The following PPP2R5E variants were observed in gnomAD, a reference collection of about 807,000 sequenced individuals.
The protein encoded by PPP2R5E is protein phosphatase 2 regulatory subunit B'epsilon, also known as serine/threonine-protein phosphatase 2A 56 kDa regulatory subunit epsilon isoform.
In PPP2R5E, 4 loss-of-function variants were observed where a neutral mutation model predicts 65.3. That is an observed-to-expected ratio of 0.06 (90% confidence interval 0.03 to 0.14). PPP2R5E has a LOEUF of 0.14. PPP2R5E is among the 10% of genes least tolerant of loss of function. The pLI, the probability that PPP2R5E is intolerant of heterozygous loss-of-function variation, is 1.00. For synonymous variants in PPP2R5E, 183 were observed against 187.4 expected (o/e 0.98, Z 0.19); for missense variants, 274 against 556.1 (o/e 0.49, Z 5.10).
chr14:63,522,553 G>C (rs8013830), intron 2 of PPP2R5E, among the ~76,000 whole-genome samples: 2 of 150,744 alleles, frequency 1.3e-5, no homozygotes, highest in Admixed American at 6.6e-5. Flanking sequence ...GTCTCTGCCC[G>C]GCCGCCCATC....
chr14:63,461,340 A>T (rs1889446179), intron 2 of PPP2R5E, among the ~76,000 whole-genome samples: 1 of 148,560 alleles, frequency 6.7e-6, no homozygotes, highest in South Asian at 2.1e-4. Flanking sequence ...CAGTAAAATT[A>T]CAGAAAAAAA....
At chr14:63,522,095 C>T (rs990185711) in intron 2 of PPP2R5E, among the ~76,000 whole-genome samples, 1 of 151,838 alleles carries the variant, frequency 6.6e-6, no homozygotes, top group African/African-American at 2.4e-5. Context: ...AGGCACGCGC[C>T]GCCACGCCTG....
At chr14:63,537,430 T>C (rs1330926901) in intron 2 of PPP2R5E, among the ~76,000 whole-genome samples, 2 of 152,210 alleles carry the variant, frequency 1.3e-5, no homozygotes, top group Admixed American at 1.3e-4. Context: ...CTATTTTCAT[T>C]TTTACCAGCA....
At chr14:63,471,914 T>G (rs1890155264) in intron 2 of PPP2R5E, among the ~76,000 whole-genome samples, 1 of 152,246 alleles carries the variant, frequency 6.6e-6, no homozygotes, top group South Asian at 2.1e-4. Context: ...AGACAAGCAT[T>G]CTGTCATCTA....
intron 3 of PPP2R5E, chr14:63,452,766 A>C (rs901587087): frequency 6.6e-6 from 1 of 152,208 alleles, no homozygotes; most frequent in Admixed American, 6.5e-5. Context: ...TATCTACTCC[A>C]TCACAAAAGT....
intron 5 of PPP2R5E, among the ~76,000 whole-genome samples, chr14:63,414,881 T>C (rs1358793865): frequency 3.3e-5 from 5 of 152,158 alleles, no homozygotes; most frequent in Admixed American, 1.3e-4. Flanking sequence ...TATAATTAAA[T>C]TTTTAGAGAA....
Position 63,375,864 on chromosome 14 carries a change from A to C in PPP2R5E, c.*145T>G, listed in dbSNP as rs1166265036. On this transcript the variant is annotated 3_prime_UTR_variant, in exon 14 of 14. Transcript: ENST00000337537. Reference sequence around the variant, plus strand: ...TTATTTTGTTTTTTCCTTTACTTAGAGACAGGTATATACAGTGCTGCTGTA... The same window carrying C: ...TTATTTTGTTTTTTCCTTTACTTAGCGACAGGTATATACAGTGCTGCTGTA... 4 of 475,962 alleles carry C rather than the reference A, an allele frequency of 8.4e-6. No homozygotes were observed. Among genetic ancestry groups the C allele is most frequent in the Non-Finnish European group, 1.5e-5 (4 of 275,620 alleles). 29.5% of individuals were successfully genotyped at this position (475,962 alleles called of 1,614,324 possible). A position where few individuals can be genotyped will look rare whatever the true frequency, so the allele number is the denominator to read the frequency against.
intron 2 of PPP2R5E, among the ~76,000 whole-genome samples, chr14:63,517,023 A>G (rs1892695034): frequency 6.6e-6 from 1 of 152,198 alleles, no homozygotes; most frequent in African/African-American, 2.4e-5. Context: ...AAAGAGATCA[A>G]CTTTATAGGA....
At chr14:63,516,071 G>C (rs183509312) in intron 2 of PPP2R5E, among the ~76,000 whole-genome samples, 2 of 151,754 alleles carry the variant, frequency 1.3e-5, no homozygotes, top group East Asian at 1.9e-4. Context: ...GGATGGTCTC[G>C]ATCTCCTGAC....
chr14:63,516,622 G>A (rs372451060), intron 2 of PPP2R5E, among the ~76,000 whole-genome samples: 5 of 152,272 alleles, frequency 3.3e-5, no homozygotes, highest in African/African-American at 9.6e-5. Flanking sequence ...TATCATCAAC[G>A]TATTTCCTAC....
At chr14:63,508,422 T>C (rs1892314149) in intron 2 of PPP2R5E, among the ~76,000 whole-genome samples, 1 of 152,208 alleles carries the variant, frequency 6.6e-6, no homozygotes, top group South Asian at 2.1e-4. Context: ...TGGTATCATT[T>C]TCCTGAATTC....
At chr14:63,379,467 T>C (rs1473412081) in intron 13 of PPP2R5E, among the ~76,000 whole-genome samples, 2 of 152,330 alleles carry the variant, frequency 1.3e-5, no homozygotes, top group Non-Finnish European at 1.5e-5. Flanking sequence ...AGATGGAGTT[T>C]CTCCATGTTG....
intron 4 of PPP2R5E, among the ~76,000 whole-genome samples, chr14:63,420,024 T>A (rs964030541): frequency 5.3e-5 from 8 of 152,198 alleles, no homozygotes; most frequent in African/African-American, 1.9e-4. Flanking sequence ...AGTCATTAAG[T>A]ATGGGAAGGA....
intron 2 of PPP2R5E, among the ~76,000 whole-genome samples, chr14:63,465,022 C>G (rs1594903912): frequency 8.5e-6 from 1 of 117,052 alleles, no homozygotes; most frequent in African/African-American, 4.2e-5. Context: ...GACTCTGTCT[C>G]AAGAAGAAGA....
chr14:63,440,677 G>A (rs1243768060), intron 3 of PPP2R5E, among the ~76,000 whole-genome samples: 2 of 151,424 alleles, frequency 1.3e-5, no homozygotes, highest in Non-Finnish European at 2.9e-5. Context: ...AGTGGCTCAC[G>A]CCCGTAATCC....
chr14:63,532,473 T>C (rs969048734), intron 2 of PPP2R5E, among the ~76,000 whole-genome samples: 14 of 152,252 alleles, frequency 9.2e-5, no homozygotes, highest in African/African-American at 2.9e-4. Context: ...AATTTTTGGT[T>C]GAAAAACGTT....
chr14:63,384,147 A>G (rs1205343693), intron 12 of PPP2R5E, among the ~76,000 whole-genome samples: 1 of 152,154 alleles, frequency 6.6e-6, no homozygotes, highest in African/African-American at 2.4e-5. Flanking sequence ...ATTCAGTCTA[A>G]GCATGGCCAT....
At chr14:63,452,372 T>C (rs1448436174) in intron 3 of PPP2R5E, 1 of 152,218 alleles carries the variant, frequency 6.6e-6, no homozygotes, top group African/African-American at 2.4e-5. Context: ...TGGGGCCAGA[T>C]AATTCTTTAT....
At chr14:63,407,218 G>A (rs1045092441) in intron 5 of PPP2R5E, among the ~76,000 whole-genome samples, 2 of 152,208 alleles carry the variant, frequency 1.3e-5, no homozygotes, top group African/African-American at 2.4e-5. Context: ...AAAAAAAATG[G>A]CAGAGCCCGA....
Sources: allele counts gnomAD v4.1 joint callset (sites outside exome capture counted in the v4.1 genomes callset), GRCh38; gene constraint gnomAD v4.1.1; transcripts MANE v1.5; gene names NCBI Gene and HGNC (gene_info 2026-07-23, HGNC 2026-07-21).